Variants in CECR2 observed in about 807,000 individuals in gnomAD.
CECR2 encodes the protein chromatin remodeling regulator CECR2.
A neutral mutation model predicts 154.5 loss-of-function variants in CECR2; 30 were observed. The ratio of observed to expected loss-of-function variants is 0.19; its 90% CI spans 0.15 to 0.26. CECR2 has a LOEUF of 0.26. Ranked by LOEUF, CECR2 falls within the 10% of genes least tolerant of loss-of-function variation. The probability of loss-of-function intolerance (pLI) is 1.00; values close to 1 mark genes in which losing one functional copy is unlikely to be tolerated. For missense variants in CECR2, 1,743 were observed against 1,829.3 expected, an observed-to-expected ratio of 0.95 and a Z score of 0.86; for synonymous variants, 725 against 683.7, an observed-to-expected ratio of 1.06 and a Z score of -0.94.
In CECR2 at chr22:17,496,790, C is replaced by T. The variant is rs192489969; in HGVS notation, c.222-613C>T. Among the ~76,000 whole-genome samples the T allele has an allele frequency of 3.1e-3, 471 of 152,312 alleles. 3 individuals carry two copies. Among genetic ancestry groups the T allele is most frequent in the Middle Eastern group, 3.4e-3 (1 of 294 alleles). ...TACGCGTAGCGGGTGAGACTTTTGC[C>T]TCAGCTTCATAACCTACACATTTGA... is the stretch of plus-strand genomic sequence containing the variant. On this transcript the variant is annotated intron_variant, in intron 2 of 18. Transcript: ENST00000262608.
At position 17,548,128 on chromosome 22, in the gene CECR2, C is replaced by CTTTTTTT; in HGVS notation, c.2861-11_2861-5dup. On this transcript the variant is annotated intron_variant, in intron 16 of 18. Transcript: ENST00000262608. ...CAGCTACTGAGTTATTTTTTCTCCT[C>CTTTTTTT]TTTTTTTTTTTTTTTGCAGCAGAGC... 7.3e-7 allele frequency: 1 copy of CTTTTTTT among 1,378,076 alleles called. No homozygotes were observed. The highest frequency in any genetic ancestry group is 1.4e-5 in the South Asian group (1 of 69,000). 85.4% of individuals were successfully genotyped at this position (1,378,076 alleles called of 1,614,324 possible).
intron 2 of CECR2, 87 bp from the exon 3 acceptor site, chr22:17,497,316 C>T: frequency 7.5e-7 from 1 of 1,330,610 alleles, no homozygotes; most frequent in Non-Finnish European, 1.0e-6. Context: ...TGTTAGCTGT[C>T]AGATCATGAG....
intron 1 of CECR2, among the ~76,000 whole-genome samples, chr22:17,473,328 G>C: frequency 6.6e-6 from 1 of 152,204 alleles, no homozygotes; most frequent in Non-Finnish European, 1.5e-5. Context: ...TACAAAAGAG[G>C]AGGAGAGAAA....
chr22:17,399,160 G>T (rs1448665144), intron 1 of CECR2, among the ~76,000 whole-genome samples: 3 of 152,192 alleles, frequency 2.0e-5, no homozygotes, highest in Admixed American at 6.6e-5. Context: ...AAACTTGAAG[G>T]CCTCATTAAT....
chr22:17,471,867 G>A (rs1454009438), intron 1 of CECR2, among the ~76,000 whole-genome samples: 1 of 152,174 alleles, frequency 6.6e-6, no homozygotes, highest in Admixed American at 6.6e-5. Context: ...AAGACTCATG[G>A]AACTTCTTCT....
chr22:17,386,155 GA>G (rs2063258344), intron 1 of CECR2, among the ~76,000 whole-genome samples: 1 of 152,180 alleles, frequency 6.6e-6, no homozygotes, highest in African/African-American at 2.4e-5. Context: ...GAATGATGCA[GA>G]GAAGTATTAG....
Position 17,500,561 on chromosome 22 carries a change from A to G in CECR2, c.546-70A>G, listed in dbSNP as rs1462708589. The G allele has an allele frequency of 5.2e-6, 6 of 1,146,622 alleles. No individual in the cohort carries two copies. The Admixed American group carries it at 1.3e-4, about 25-fold the overall frequency. 71.0% of individuals were successfully genotyped at this position (1,146,622 alleles called of 1,614,324 possible). On this transcript the variant is annotated intron_variant, in intron 4 of 18. Transcript: ENST00000262608. The stretch of plus-strand genomic sequence containing the variant: ...TTTTGGTAATCTCATGGCCAGAAAT[A>G]CTGTTTTAAAATCATATGTAGCAAT...
intron 1 of CECR2, among the ~76,000 whole-genome samples, chr22:17,449,728 A>G (rs554142290): frequency 2.0e-5 from 3 of 152,138 alleles, no homozygotes; most frequent in South Asian, 4.2e-4. Context: ...TGACCTCGTG[A>G]TCTGCCCGCC....
intron 9 of CECR2, among the ~76,000 whole-genome samples, chr22:17,527,412 C>G (rs551473944): frequency 2.6e-5 from 4 of 152,198 alleles, no homozygotes; most frequent in African/African-American, 4.8e-5. Flanking sequence ...GAGCTGAGAT[C>G]ATGCCACTGC....
At chr22:17,502,195 C>T (rs938099667) in intron 5 of CECR2, among the ~76,000 whole-genome samples, 1 of 152,134 alleles carries the variant, frequency 6.6e-6, no homozygotes, top group Non-Finnish European at 1.5e-5. Context: ...ATTAATAGCT[C>T]CATTTTGGGG....
chr22:17,380,920 G>C (rs1343265213), intron 1 of CECR2, among the ~76,000 whole-genome samples: 2 of 152,266 alleles, frequency 1.3e-5, no homozygotes, highest in South Asian at 2.1e-4. Flanking sequence ...TGATTTGCTT[G>C]ACAGAAAATG....
At chr22:17,421,850 T>TA (rs35949878) in intron 1 of CECR2, among the ~76,000 whole-genome samples, 44,856 of 138,070 alleles carry the variant, frequency 0.32, 7,166 homozygotes, top group Middle Eastern at 0.4. Context: ...GCATCTCTAC[T>TA]AAAAAAAAAA....
intron 1 of CECR2, among the ~76,000 whole-genome samples, chr22:17,435,810 C>T (rs1161280235): frequency 6.6e-6 from 1 of 151,320 alleles, no homozygotes; most frequent in African/African-American, 2.4e-5. Context: ...TTAATTAATA[C>T]ATCAGATGTT....
intron 8 of CECR2, among the ~76,000 whole-genome samples, chr22:17,519,318 G>C (rs2056115815): frequency 6.7e-6 from 1 of 148,470 alleles, no homozygotes; most frequent in South Asian, 2.1e-4. Context: ...TTGAGACGGA[G>C]TCTCATTCTG....
intron 13 of CECR2, among the ~76,000 whole-genome samples, chr22:17,540,178 C>G (rs1297335348): frequency 6.6e-6 from 1 of 152,178 alleles, no homozygotes; most frequent in African/African-American, 2.4e-5. Context: ...ACCATACAAC[C>G]TTGGGCATCT....
At chr22:17,408,804 T>C (rs2054023586) in intron 1 of CECR2, among the ~76,000 whole-genome samples, 1 of 152,234 alleles carries the variant, frequency 6.6e-6, no homozygotes, top group Non-Finnish European at 1.5e-5. Flanking sequence ...CATAGTATCT[T>C]TCTCTCTTCC....
rs554995087 is a variant in CECR2, at chr22:17,427,617, A to G, written c.127-49971A>G. On this transcript the variant is annotated intron_variant, in intron 1 of 18. Transcript: ENST00000262608. Reference sequence around the variant, plus strand: ...GCTTTTAAAGGTGGTGTGGACCAAAAGAGTGAGCAGCAGCAAGATTTATTA... The same window carrying G: ...GCTTTTAAAGGTGGTGTGGACCAAAGGAGTGAGCAGCAGCAAGATTTATTA... Among the ~76,000 whole-genome samples, 4 of 152,248 alleles carry G rather than the reference A, an allele frequency of 2.6e-5. No homozygotes were observed. In the South Asian group the frequency reaches 6.2e-4, roughly 24 times the overall value.
intron 1 of CECR2, among the ~76,000 whole-genome samples, chr22:17,411,744 G>A (rs2054070928): frequency 6.6e-6 from 1 of 152,024 alleles, no homozygotes; most frequent in African/African-American, 2.4e-5. Context: ...AACATTTTAG[G>A]AAATTGAGAG....
At chr22:17,414,031 GGT>G (rs2054110208) in intron 1 of CECR2, among the ~76,000 whole-genome samples, 2 of 148,970 alleles carry the variant, frequency 1.3e-5, no homozygotes, top group Non-Finnish European at 3.0e-5. Context: ...GGAGTGTGGT[GGT>G]GCAATCTCCG....
Sources: allele counts gnomAD v4.1 joint callset (sites outside exome capture counted in the v4.1 genomes callset), GRCh38; gene constraint gnomAD v4.1.1; transcripts MANE v1.5; gene names NCBI Gene and HGNC (gene_info 2026-07-23, HGNC 2026-07-21).